The following IGFN1 variants were observed in gnomAD, a reference collection of about 807,000 sequenced individuals.
The protein encoded by IGFN1 is immunoglobulin-like and fibronectin type III domain-containing protein 1.
In IGFN1, 253 loss-of-function variants were observed where a neutral mutation model predicts 289.5. The ratio of observed to expected loss-of-function variants is 0.87; its 90% CI spans 0.79 to 0.97. The LOEUF is 0.97. IGFN1 is among the 50% of genes least tolerant of loss of function. IGFN1 has a pLI of 0.00. For synonymous variants in IGFN1, 1,706 were observed against 1,788.5 expected (o/e 0.95, Z 1.16); for missense variants, 4,470 against 4,686.1 (o/e 0.95, Z 1.35).
At chr1:201,213,706 A>G (rs1297084037) in intron 12 of IGFN1, 85 bp downstream of exon 12, 3 of 1,149,728 alleles carry the variant, frequency 2.6e-6, no homozygotes, top group East Asian at 2.4e-5. Context: ...GGTCTGTCCC[A>G]GTTCTGCCTC....
rs56237061 is a variant in IGFN1 at position 201,228,797 on chromosome 1, G to C, written c.*398G>C. On this transcript the variant is annotated 3_prime_UTR_variant, in exon 24 of 24. Coordinates refer to ENST00000335211, the MANE Select transcript of IGFN1 (RefSeq NM_001164586.2). ...GCCTGCTGTGACCACTGGGAGGGAA[G>C]AGGAGAGGAGGTCAGAGGACCTGGG... The C allele has an allele frequency of 2.4e-4, 54 of 225,724 alleles. No individual in the cohort carries two copies. The highest frequency in any genetic ancestry group is 4.1e-4 in the Non-Finnish European group (47 of 114,456). The allele number at this position is 225,724 out of a possible 1,614,324, so 14.0% of individuals were successfully genotyped here. A position where few individuals can be genotyped will look rare whatever the true frequency, so the allele number is the denominator to read the frequency against.
Position 201,225,976 on chromosome 1 carries a change from G to A in IGFN1, c.10639G>A (p.Ala3547Thr). The A allele has an allele frequency of 1.9e-6, 3 of 1,579,610 alleles. No homozygotes were observed. The highest frequency in any genetic ancestry group is 1.7e-6 in the Non-Finnish European group (2 of 1,160,554). The part of the protein sequence containing the change: ...RSSAHGPWHE[A>T]ADRIHTNRFT... ...CTCAGCGCACGGTCCCTGGCACGAG[G>A]CAGCCGACCGCATCCACACCAACCG... The change falls in exon 22 of 24, where the codon GCA becomes ACA. Residue 3547 changes from alanine (A) to threonine (T), a missense_variant. Ala to Thr is a moderately conservative substitution (Grantham distance 58, BLOSUM62 0). Coordinates refer to ENST00000335211, the MANE Select transcript of IGFN1 (RefSeq NM_001164586.2).
At chr1:201,191,562 A>G (rs1362718456) in intron 1 of IGFN1, among the ~76,000 whole-genome samples, 1 of 152,126 alleles carries the variant, frequency 6.6e-6, no homozygotes, top group Non-Finnish European at 1.5e-5. Context: ...TATGGAGGAG[A>G]GAATTCATTT....
chr1:201,215,788 T>C lies in IGFN1; in HGVS notation c.9245T>C (p.Leu3082Pro), dbSNP rs1653209423. ...RKDCGQYSVT[L>P]RSEGGSVQAE... ...GACTGTGGCCAGTACAGCGTGACAC[T>C]GAGGAGTGAGGGAGGCTCTGTGCAG... is the stretch of plus-strand genomic sequence containing the variant. Residue 3082 changes from leucine (L) to proline (P), a missense_variant, in exon 15 of 24, where the codon CTG (leucine) becomes CCG (proline). Leu to Pro is a moderately conservative substitution (Grantham distance 98, BLOSUM62 -3). Coordinates refer to ENST00000335211, the MANE Select transcript of IGFN1 (RefSeq NM_001164586.2). The C allele has an allele frequency of 6.3e-7, 1 of 1,598,464 alleles. No homozygotes were observed. Among genetic ancestry groups the C allele is most frequent in the Non-Finnish European group, 8.5e-7 (1 of 1,171,016 alleles).
chr1:201,216,248 T>G (rs1314102244), intron 15 of IGFN1: 3 of 597,752 alleles, frequency 5.0e-6, no homozygotes, highest in African/African-American at 3.7e-5. Context: ...CATGTGTGTG[T>G]TGGGGGTGGA....
Position 201,208,497 on chromosome 1 carries a change from A to T in IGFN1, c.3604A>T (p.Ser1202Cys). The change falls in exon 12 of 24, where the codon AGC (serine) becomes TGC (cysteine). Residue 1202 changes from serine to cysteine, a missense_variant. Around this residue, in one of 8 missense-constraint regions of IGFN1, gnomAD observed 2,011 missense variants for 1,953.4 expected, o/e 1.03. Transcript: ENST00000335211. Reference sequence around the variant, plus strand: ...ACCTCACAATGGGGCCGCTTCTGGGAGCCAGTGGGCTTATGGGGCTGGCAA... The same window carrying T: ...ACCTCACAATGGGGCCGCTTCTGGGTGCCAGTGGGCTTATGGGGCTGGCAA... ...LAPHNGAASG[S>C]QWAYGAGNVL... The T allele has an allele frequency of 6.9e-7, 1 of 1,448,634 alleles. No individual in the cohort carries two copies. The highest frequency in any genetic ancestry group is 1.5e-5 in the South Asian group (1 of 67,348). 89.7% of individuals were successfully genotyped at this position (1,448,634 alleles called of 1,614,324 possible).
rs1199354870 is a variant in IGFN1, at chr1:201,206,319, A to T, written c.1426A>T (p.Lys476Ter). ...GRHGYSLMGD[K>*]GTADSAWGPG... Reference sequence around the variant, plus strand: ...ACATGGCTACTCCTTGATGGGGGACAAAGGGACAGCTGACTCAGCCTGGGG... The same window carrying T: ...ACATGGCTACTCCTTGATGGGGGACTAAGGGACAGCTGACTCAGCCTGGGG... The change falls in exon 12 of 24, where the codon AAA becomes TAA. Residue 476 changes from lysine (K) to a stop codon, truncating the protein, a stop_gained. Transcript: ENST00000335211. LOFTEE classifies it high-confidence loss of function. The T allele has an allele frequency of 6.5e-7, 1 of 1,550,220 alleles. No individual in the cohort carries two copies. Among genetic ancestry groups the T allele is most frequent in the Non-Finnish European group, 8.7e-7 (1 of 1,146,956 alleles).
rs1667911510 is a variant in IGFN1 at position 201,213,113 on chromosome 1, C to T, written c.8220C>T (p.Gly2740=). The T allele has an allele frequency of 6.4e-7, 1 of 1,551,628 alleles. No individual in the cohort carries two copies. Among genetic ancestry groups the T allele is most frequent in the Non-Finnish European group, 8.7e-7 (1 of 1,146,976 alleles). ...CCGGACCTCAGGGAGCCTGGAATGG[C>T]TTAGATGGTCCCTTTGGCAGAAAAG... is the stretch of plus-strand genomic sequence containing the variant. The part of the protein sequence containing the change: ...GESGPQGAWN[G]LDGPFGRKAS... The change falls in exon 12 of 24, where the codon GGC becomes GGT. Residue 2740 remains glycine, a synonymous_variant. Coordinates refer to ENST00000335211, the MANE Select transcript of IGFN1 (RefSeq NM_001164586.2).
In IGFN1 at chr1:201,194,138, C is replaced by T. The variant is rs1289246732; in HGVS notation, c.8-16C>T. 1.3e-6 allele frequency: 2 copies of T among 1,551,172 alleles called. No individual in the cohort carries two copies. The highest frequency in any genetic ancestry group is 1.7e-6 in the Non-Finnish European group (2 of 1,146,710). Reference sequence around the variant, plus strand: ...AAGGTGGAAGGCCCCATCTCCTTCCCTCCTGCATTCTCCAGGAAAGCTCCG... The same window carrying T: ...AAGGTGGAAGGCCCCATCTCCTTCCTTCCTGCATTCTCCAGGAAAGCTCCG... On this transcript the variant is annotated splice_polypyrimidine_tract_variant and intron_variant, in intron 2 of 23. Transcript: ENST00000335211.
Position 201,218,630 on chromosome 1 carries a change from G to T in IGFN1, c.9870G>T (p.Ser3290=). ...GTCCCGGAGAGCCTGGACCTCCATC[G>T]GATGCTGTCTTTGCTCGGGACCCCA... ...PSGPGEPGPP[S]DAVFARDPMR... is the part of the protein sequence containing the mutation. Residue 3290 remains serine (S), a synonymous_variant, in exon 18 of 24, where the codon TCG becomes TCT. Transcript: ENST00000335211. 6.2e-7 allele frequency: 1 copy of T among 1,610,538 alleles called. No individual in the cohort carries two copies. Among genetic ancestry groups the T allele is most frequent in the Non-Finnish European group, 8.5e-7 (1 of 1,179,866 alleles).
chr1:201,214,400 T>C (rs1653044674), intron 13 of IGFN1, 99 bp downstream of exon 13: 1 of 1,282,998 alleles, frequency 7.8e-7, no homozygotes, highest in African/African-American at 1.5e-5. Flanking sequence ...AGATTTTTCA[T>C]TCTTCATTTT....
intron 1 of IGFN1, among the ~76,000 whole-genome samples, chr1:201,191,563 G>A (rs572143375): frequency 1.1e-4 from 16 of 152,270 alleles, no homozygotes; most frequent in African/African-American, 3.6e-4. Context: ...ATGGAGGAGA[G>A]AATTCATTTC....
rs1654271495 is a variant in IGFN1 at position 201,228,635 on chromosome 1, G to A, written c.*236G>A. 8.4e-6 allele frequency: 5 copies of A among 598,532 alleles called. No individual in the cohort carries two copies. The highest frequency in any genetic ancestry group is 5.9e-5 in the South Asian group (3 of 50,738). 37.1% of individuals were successfully genotyped at this position (598,532 alleles called of 1,614,324 possible). A position where few individuals can be genotyped will look rare whatever the true frequency, so the allele number is the denominator to read the frequency against. ...AGCTAAGTCACTCAACAGAATGACA[G>A]CGAACCTCCTGGACCCTCACCATAT... On this transcript the variant is annotated 3_prime_UTR_variant, in exon 24 of 24. Coordinates refer to ENST00000335211, the MANE Select transcript of IGFN1 (RefSeq NM_001164586.2).
chr1:201,204,685 C>T (rs561376108), intron 10 of IGFN1, among the ~76,000 whole-genome samples: 1 of 152,244 alleles, frequency 6.6e-6, no homozygotes. Context: ...AAGACTGGGG[C>T]AAGTTATTTA....
In IGFN1 at chr1:201,212,953, G is replaced by A. The variant is rs867495534; in HGVS notation, c.8060G>A (p.Arg2687Gln). 80 of 1,551,350 alleles carry A rather than the reference G, an allele frequency of 5.2e-5. No individual in the cohort carries two copies. Among genetic ancestry groups the A allele is most frequent in the Non-Finnish European group, 6.5e-5 (75 of 1,146,976 alleles). Residue 2687 changes from arginine (R) to glutamine (Q), a missense_variant, in exon 12 of 24, where the codon CGA (arginine) becomes CAA (glutamine). Physicochemically the swap from Arg to Gln is conservative, Grantham distance 43 (BLOSUM62 1). Coordinates refer to ENST00000335211, the MANE Select transcript of IGFN1 (RefSeq NM_001164586.2). ...GGCCAAGAGGCGGCTGGTGGATGCCGAAGCCCATGGTCCCTGGATAGCAAA... is the reference window on the plus strand; with the variant it reads ...GGCCAAGAGGCGGCTGGTGGATGCCAAAGCCCATGGTCCCTGGATAGCAAA... ...APGQEAAGGC[R>Q]SPWSLDSKGS... is the part of the protein sequence containing the mutation.
intron 22 of IGFN1, 150 bp from the exon 23 acceptor site, chr1:201,226,732 C>G (rs1654120352): frequency 1.5e-6 from 1 of 670,216 alleles, no homozygotes; most frequent in Non-Finnish European, 2.6e-6. Flanking sequence ...ATGAGGCAAG[C>G]CTTGGGGTCC....
In IGFN1 at chr1:201,222,800, C is replaced by T. The variant is rs763392469; in HGVS notation, c.10263C>T (p.Asp3421=). 4.3e-6 allele frequency: 7 copies of T among 1,613,246 alleles called. No homozygotes were observed. The African/African-American group carries it at 9.3e-5, about 22-fold the overall frequency. Residue 3421 remains aspartate (D), a synonymous_variant, in exon 20 of 24, where the codon GAC becomes GAT. Transcript: ENST00000335211. ...ACTTGCTGACAGTCAAGGTCGGGGACACAGTTCGTGTGCCCGTCTCCTTTG... is the reference window on the plus strand; with the variant it reads ...ACTTGCTGACAGTCAAGGTCGGGGATACAGTTCGTGTGCCCGTCTCCTTTG... ...TKDLLTVKVG[D]TVRVPVSFEA... is the part of the protein sequence containing the mutation.
Position 201,208,175 on chromosome 1 carries a change from T to A in IGFN1, c.3282T>A (p.Pro1094=). ...GSAGRGGLKA[P]GVVETVGMGC... is the part of the protein sequence containing the mutation. The stretch of plus-strand genomic sequence containing the variant: ...CGGGTAGAGGTGGTCTCAAGGCCCC[T>A]GGAGTAGTGGAGACTGTTGGGATGG... The change falls in exon 12 of 24, where the codon CCT becomes CCA. Residue 1094 remains proline, a synonymous_variant. Coordinates refer to ENST00000335211, the MANE Select transcript of IGFN1 (RefSeq NM_001164586.2). 6.5e-7 allele frequency: 1 copy of A among 1,536,866 alleles called. No individual in the cohort carries two copies. The highest frequency in any genetic ancestry group is 8.7e-7 in the Non-Finnish European group (1 of 1,146,808).
Position 201,215,830 on chromosome 1 carries a change from A to G in IGFN1, c.9287A>G (p.Gln3096Arg). ...TCTGTGCAGGCCGAGCTCACTCTGC[A>G]AGTCATAGGTACCAGCCCTGTCTTC... ...GGSVQAELTL[Q>R]VIDKPDPPQG... The change falls in exon 15 of 24, where the codon CAA becomes CGA. Residue 3096 changes from glutamine to arginine, a missense_variant. By Grantham distance (43) the Gln-to-Arg change is conservative. Around this residue, in one of 8 missense-constraint regions of IGFN1, gnomAD observed 2,218 missense variants for 2,114.1 expected, o/e 1.05. Coordinates refer to ENST00000335211, the MANE Select transcript of IGFN1 (RefSeq NM_001164586.2). 6.2e-7 allele frequency: 1 copy of G among 1,600,436 alleles called. No individual in the cohort carries two copies. Among genetic ancestry groups the G allele is most frequent in the Non-Finnish European group, 8.5e-7 (1 of 1,172,978 alleles).
Sources: allele counts gnomAD v4.1 joint callset (sites outside exome capture counted in the v4.1 genomes callset), GRCh38; gene constraint gnomAD v4.1.1; regional missense constraint gnomAD v4.1.1; transcripts MANE v1.5; gene names NCBI Gene and HGNC (gene_info 2026-07-23, HGNC 2026-07-21).